The following CNTN1 variants were observed in gnomAD, a reference collection of about 807,000 sequenced individuals.
CNTN1 encodes the protein contactin-1.
A neutral mutation model predicts 126.4 loss-of-function variants in CNTN1; 38 were observed. The ratio of observed to expected loss-of-function variants is 0.30; its 90% CI spans 0.23 to 0.39. The LOEUF (loss-of-function observed/expected upper bound fraction) is 0.39. Ranked by LOEUF, CNTN1 falls within the 10% of genes least tolerant of loss-of-function variation. The pLI is 1.00. For missense variants in CNTN1, 1,009 were observed against 1,248.4 expected, an observed-to-expected ratio of 0.81 and a Z score of 2.89; for synonymous variants, 413 against 422.6, an observed-to-expected ratio of 0.98 and a Z score of 0.28.
At chr12:40,769,265 C>CT (rs35426832) in intron 1 of CNTN1, among the ~76,000 whole-genome samples, 44,372 of 151,928 alleles carry the variant, frequency 0.29, 7,195 homozygotes, top group South Asian at 0.42. Context: ...AACAATATAT[C>CT]TTTTTTTCTG....
chr12:40,910,732 C>T (rs1944994694), intron 3 of CNTN1, among the ~76,000 whole-genome samples: 1 of 152,038 alleles, frequency 6.6e-6, no homozygotes, highest in Non-Finnish European at 1.5e-5. Flanking sequence ...CTCAACTTTC[C>T]AATATGTAAA....
intron 15 of CNTN1, among the ~76,000 whole-genome samples, chr12:40,970,812 G>A (rs556416561): frequency 6.6e-6 from 1 of 152,224 alleles, no homozygotes; most frequent in South Asian, 2.1e-4. Context: ...ATGGTCTTAG[G>A]CTAGTCTATT....
intron 14 of CNTN1, among the ~76,000 whole-genome samples, chr12:40,948,302 C>A (rs1489716203): frequency 5.1e-5 from 2 of 38,932 alleles, no homozygotes; most frequent in African/African-American, 1.1e-4. Flanking sequence ...TCTCATTTTT[C>A]ACAATTTAAT....
intron 23 of CNTN1, among the ~76,000 whole-genome samples, chr12:41,048,049 C>T (rs190714230): frequency 3.9e-4 from 59 of 152,220 alleles, no homozygotes; most frequent in African/African-American, 1.4e-3. Context: ...TTGCATAGAC[C>T]ACCCATTCCA....
intron 1 of CNTN1, among the ~76,000 whole-genome samples, chr12:40,883,608 A>C (rs967555266): frequency 1.3e-5 from 2 of 151,580 alleles, no homozygotes; most frequent in African/African-American, 4.8e-5. Context: ...TGTTGCTAGG[A>C]AACACAGTTT....
At chr12:40,982,587 C>G (rs956969746) in intron 16 of CNTN1, among the ~76,000 whole-genome samples, 1 of 152,096 alleles carries the variant, frequency 6.6e-6, no homozygotes, top group African/African-American at 2.4e-5. Context: ...ATCTCTAGCA[C>G]CTATATCAGG....
At chr12:40,884,457 G>T (rs963675817) in intron 1 of CNTN1, among the ~76,000 whole-genome samples, 1 of 151,356 alleles carries the variant, frequency 6.6e-6, no homozygotes, top group Non-Finnish European at 1.5e-5. Flanking sequence ...AATCAGAATA[G>T]ATTTCTCTAT....
chr12:40,827,275 G>T (rs897067562), intron 1 of CNTN1, among the ~76,000 whole-genome samples: 1 of 151,306 alleles, frequency 6.6e-6, no homozygotes, highest in Admixed American at 6.6e-5. Context: ...CCAGAGTAAA[G>T]GTGCTTATGT....
At chr12:40,937,174 C>T (rs911448234) in intron 10 of CNTN1, among the ~76,000 whole-genome samples, 2 of 152,040 alleles carry the variant, frequency 1.3e-5, no homozygotes, top group African/African-American at 4.8e-5. Context: ...ACTCATCCAT[C>T]TCCAATACCT....
intron 1 of CNTN1, among the ~76,000 whole-genome samples, chr12:40,881,195 C>G (rs1165727983): frequency 6.6e-6 from 1 of 151,904 alleles, no homozygotes; most frequent in Non-Finnish European, 1.5e-5. Context: ...GTTTTGTAAA[C>G]CCACCCAAAT....
intron 7 of CNTN1, among the ~76,000 whole-genome samples, chr12:40,932,394 G>C (rs1249996625): frequency 2.7e-5 from 4 of 150,818 alleles, no homozygotes; most frequent in African/African-American, 9.8e-5. Context: ...CCATGATTAT[G>C]AGGCCTACCC....
intron 1 of CNTN1, among the ~76,000 whole-genome samples, chr12:40,730,562 ATCTATGTTCCTT>A (rs1942470518): frequency 6.6e-6 from 1 of 152,148 alleles, no homozygotes; most frequent in Admixed American, 6.6e-5. Flanking sequence ...GTTGCCCAAT[ATCTATGTTCCTT>A]TTGACAGTTG....
chr12:41,041,108 A>G (rs1419468510), intron 23 of CNTN1, among the ~76,000 whole-genome samples: 1 of 151,116 alleles, frequency 6.6e-6, no homozygotes, highest in Non-Finnish European at 1.5e-5. Flanking sequence ...TAATTTATTG[A>G]GAGTTTTTAG....
chr12:40,773,013 A>G (rs1939406315), intron 1 of CNTN1, among the ~76,000 whole-genome samples: 1 of 151,952 alleles, frequency 6.6e-6, no homozygotes, highest in Admixed American at 6.6e-5. Flanking sequence ...TTGGATATAC[A>G]TATATTCCAA....
In CNTN1 at chr12:40,907,236, G is replaced by A. The variant is rs79088861; in HGVS notation, c.-76-1121G>A. 2.8e-3 allele frequency among the ~76,000 whole-genome samples: 431 copies of A among 152,266 alleles called. 1 individual carries two copies. Among genetic ancestry groups the A allele is most frequent in the Non-Finnish European group, 4.5e-3 (306 of 68,018 alleles). On this transcript the variant is annotated intron_variant, in intron 1 of 23. Coordinates refer to ENST00000551295, the MANE Select transcript of CNTN1 (RefSeq NM_001843.4). ...CTGTATAAGGCCCTGCCTACCGCAG[G>A]AAGGCCCATTCCCACCGTGCTGTGT... is the stretch of plus-strand genomic sequence containing the variant.
At chr12:41,038,363 G>T (rs753655646) in intron 23 of CNTN1, among the ~76,000 whole-genome samples, 1 of 151,980 alleles carries the variant, frequency 6.6e-6, no homozygotes, top group Non-Finnish European at 1.5e-5. Context: ...AATTTTGGGG[G>T]CTAGATCAAG....
At chr12:40,723,028 A>G (rs1942258035) in intron 1 of CNTN1, among the ~76,000 whole-genome samples, 1 of 152,002 alleles carries the variant, frequency 6.6e-6, no homozygotes. Context: ...GTTACTTAAA[A>G]TCTCTCAGCC....
At chr12:40,802,136 T>A (rs1004392729) in intron 1 of CNTN1, among the ~76,000 whole-genome samples, 3 of 151,952 alleles carry the variant, frequency 2.0e-5, no homozygotes, top group African/African-American at 7.2e-5. Flanking sequence ...TATCTCAGAA[T>A]GAAATAACCA....
At chr12:40,764,741 A>G (rs936658840) in intron 1 of CNTN1, among the ~76,000 whole-genome samples, 1 of 152,234 alleles carries the variant, frequency 6.6e-6, no homozygotes, top group East Asian at 1.9e-4. Flanking sequence ...CTTGGTCAGA[A>G]GAAGGAACAA....
Sources: gnomAD v4.1 joint callset for allele counts (sites outside exome capture counted in the v4.1 genomes callset) on GRCh38, gnomAD v4.1.1 for gene constraint, MANE v1.5 for transcripts, NCBI Gene and HGNC (gene_info 2026-07-23, HGNC 2026-07-21) for gene names.